OR8B2: variants seen among roughly 807,000 people sequenced by gnomAD.
OR8B2 encodes the protein olfactory receptor 8B2.
For synonymous variants in OR8B2, 98 were observed against 138.2 expected (o/e 0.71, Z 2.04); for missense variants, 304 against 379.6 (o/e 0.80, Z 1.65).
chr11:124,393,862 C>T, the OR8B2 span, among the ~76,000 whole-genome samples: 390 of 150,592 alleles, frequency 2.6e-3, 4 homozygotes, highest in Admixed American at 4.2e-3. Flanking sequence ...ACCCAAATGT[C>T]CAACAATGAT....
chr11:124,388,827 C>CTT (rs145400784), upstream of OR8B2, among the ~76,000 whole-genome samples: 100 of 129,818 alleles, frequency 7.7e-4, no homozygotes, highest in African/African-American at 1.8e-3. Context: ...GTGTGAAATT[C>CTT]TTTTTTTTTT....
chr11:124,385,753 C>T (rs148583126), upstream of OR8B2, among the ~76,000 whole-genome samples: 556 of 151,888 alleles, frequency 3.7e-3, 4 homozygotes, highest in South Asian at 0.012. Flanking sequence ...ACCTCAGCCT[C>T]CCAAGTAGCT....
the OR8B2 span, among the ~76,000 whole-genome samples, chr11:124,394,285 A>C: frequency 6.6e-6 from 1 of 151,250 alleles, no homozygotes; most frequent in Non-Finnish European, 1.5e-5. Flanking sequence ...ATAAATAAAT[A>C]AATAAATAAA....
At chr11:124,397,107 A>G in the OR8B2 span, 8 of 1,613,628 alleles carry the variant, frequency 5.0e-6, no homozygotes. Context: ...AAAGTTCATT[A>G]GCATTTTGGG....
At chr11:124,391,715 T>C in the OR8B2 span, among the ~76,000 whole-genome samples, 4 of 151,786 alleles carry the variant, frequency 2.6e-5, no homozygotes, top group South Asian at 4.2e-4. Context: ...CCTTCTGAAA[T>C]TATTCCAATC....
At chr11:124,394,484 A>C in the OR8B2 span, among the ~76,000 whole-genome samples, 2 of 152,176 alleles carry the variant, frequency 1.3e-5, no homozygotes, top group Non-Finnish European at 2.9e-5. Flanking sequence ...AGAAATGGAA[A>C]GTTCGGGTAG....
At chr11:124,384,943 A>G (rs1860673878), upstream of OR8B2, among the ~76,000 whole-genome samples, 1 of 152,200 alleles carries the variant, frequency 6.6e-6, no homozygotes, top group African/African-American at 2.4e-5. Flanking sequence ...ATGTATGTAT[A>G]ATTTAGTAAA....
chr11:124,386,885 G>C (rs888141710), upstream of OR8B2, among the ~76,000 whole-genome samples: 2 of 130,900 alleles, frequency 1.5e-5, no homozygotes, highest in Non-Finnish European at 3.1e-5. Flanking sequence ...CAGTGTGAAA[G>C]TGTTCCTATT....
At chr11:124,393,144 C>G in the OR8B2 span, among the ~76,000 whole-genome samples, 2 of 147,154 alleles carry the variant, frequency 1.4e-5, 1 homozygote, top group African/African-American at 5.4e-5. Flanking sequence ...AACATTAGAC[C>G]TAAAACCCCA....
Position 124,383,238 on chromosome 11 carries a change from T to A in OR8B2, c.106A>T (p.Ile36Phe). The part of the protein sequence containing the change: ...PLFFLFLVIY[I>F]VTMVGNLGLI... ...CCAAGGTTGCCTACCATGGTGACAA[T>A]GTAGATCACTAGAAACAGGAAAAAG... Residue 36 changes from isoleucine to phenylalanine, a missense_variant, in exon 2 of 2, where the codon ATT becomes TTT. Transcript: ENST00000641451. The A allele has an allele frequency of 6.2e-7, 1 of 1,613,932 alleles. No homozygotes were observed. The highest frequency in any genetic ancestry group is 8.5e-7 in the Non-Finnish European group (1 of 1,179,840).
rs769900410 is a variant in OR8B2, at chr11:124,382,732, A to G, written c.612T>C (p.Gly204=). Residue 204 remains glycine (G), a synonymous_variant, in exon 2 of 2, where the codon GGT becomes GGC. Coordinates refer to ENST00000641451, the MANE Select transcript of OR8B2 (RefSeq NM_001005468.2). ...VNEVVVLIVV[G]TNITVPSCTI... ...TACAACTGGGTACCGTGATATTAGT[A>G]CCCACAACAATGAGAACAACCACCT... The G allele has an allele frequency of 6.2e-7, 1 of 1,613,768 alleles. No individual in the cohort carries two copies. The highest frequency in any genetic ancestry group is 8.5e-7 in the Non-Finnish European group (1 of 1,179,858).
At position 124,382,910 on chromosome 11, in the gene OR8B2, G is replaced by A; in HGVS notation, c.434C>T (p.Thr145Ile). 1 of 1,608,466 alleles carries A rather than the reference G, an allele frequency of 6.2e-7. No homozygotes were observed. Among genetic ancestry groups the A allele is most frequent in the East Asian group, 2.2e-5 (1 of 44,564 alleles). ...TMSHQVCSML[T>I]FAAYIMGLAG... is the part of the protein sequence containing the mutation. The stretch of plus-strand genomic sequence containing the variant: ...CAATCCCATTATGTAAGCAGCAAAA[G>A]TGAGCATAGAACAGACCTGATGGGA... The change falls in exon 2 of 2, where the codon ACT becomes ATT. Residue 145 changes from threonine (T) to isoleucine (I), a missense_variant. Thr to Ile is a moderately conservative substitution (Grantham distance 89, BLOSUM62 -1). Transcript: ENST00000641451.
chr11:124,397,030 CAAAA>C, the OR8B2 span: 108 of 1,613,504 alleles, frequency 6.7e-5, 1 homozygote, highest in Non-Finnish European at 2.9e-5. Context: ...TCAGAGATGA[CAAAA>C]AAGAGAAAGA....
chr11:124,392,187 C>T, the OR8B2 span, among the ~76,000 whole-genome samples: 3 of 110,060 alleles, frequency 2.7e-5, no homozygotes, highest in East Asian at 7.3e-4. Context: ...GAAGCATTCC[C>T]TTTGAAAACT....
chr11:124,383,397 A>G, intron 1 of OR8B2, 37 bp from the exon 2 acceptor site: 1 of 1,481,590 alleles, frequency 6.7e-7, no homozygotes, highest in African/African-American at 1.4e-5. Flanking sequence ...AGGAACACAG[A>G]TTTCTTTTTA....
upstream of OR8B2, among the ~76,000 whole-genome samples, chr11:124,386,556 T>C (rs2134194376): frequency 6.6e-6 from 1 of 150,898 alleles, no homozygotes; most frequent in African/African-American, 2.5e-5. Context: ...TGATTTCCAA[T>C]TTCATCCATG....
the OR8B2 span, chr11:124,397,063 A>G: frequency 2.4e-5 from 38 of 1,613,848 alleles, no homozygotes; most frequent in Non-Finnish European, 3.1e-5. Context: ...TGAGTCATGC[A>G]CCCAACATAG....
the OR8B2 span, among the ~76,000 whole-genome samples, chr11:124,389,989 A>G: frequency 1.3e-5 from 2 of 152,160 alleles, no homozygotes; most frequent in African/African-American, 2.4e-5. Context: ...AACTCGTGGA[A>G]AAATAGAAAG....
At chr11:124,393,661 T>C in the OR8B2 span, among the ~76,000 whole-genome samples, 1 of 152,242 alleles carries the variant, frequency 6.6e-6, no homozygotes, top group South Asian at 2.1e-4. Context: ...TTGGTGGGAC[T>C]GTAAACTAGT....
Sources: gnomAD v4.1 joint callset for allele counts (sites outside exome capture counted in the v4.1 genomes callset) on GRCh38, gnomAD v4.1.1 for gene constraint, MANE v1.5 for transcripts, NCBI Gene and HGNC (gene_info 2026-07-23, HGNC 2026-07-21) for gene names.